ASTN2: variants seen among roughly 807,000 people sequenced by gnomAD.
ASTN2 encodes the protein astrotactin 2.
In ASTN2, 54 loss-of-function variants were observed where a neutral mutation model predicts 139.8. The ratio of observed to expected loss-of-function variants is 0.39; its 90% CI spans 0.31 to 0.48. ASTN2 has a LOEUF of 0.48. ASTN2 is among the 20% of genes least tolerant of loss of function. The pLI is 0.95. For missense variants in ASTN2, 1,565 were observed against 1,725.1 expected, an observed-to-expected ratio of 0.91 and a Z score of 1.64; for synonymous variants, 756 against 719.5, an observed-to-expected ratio of 1.05 and a Z score of -0.81.
chr9:116,441,262 T>C (rs1381715475), intron 21 of ASTN2, among the ~76,000 whole-genome samples: 1 of 151,950 alleles, frequency 6.6e-6, no homozygotes, highest in Non-Finnish European at 1.5e-5. Context: ...TAATCCAAAC[T>C]CTTCTGCTTG....
chr9:116,539,067 TAAGTG>T (rs1383243483), intron 19 of ASTN2, among the ~76,000 whole-genome samples: 15 of 152,110 alleles, frequency 9.9e-5, no homozygotes, highest in Non-Finnish European at 1.5e-4. Flanking sequence ...CCTTGAGAAC[TAAGTG>T]AAGAAGCAAG....
Position 116,696,942 on chromosome 9 carries a change from G to C in ASTN2, c.2806+28829C>G, listed in dbSNP as rs1432124027. On this transcript the variant is annotated intron_variant, in intron 16 of 22. Transcript: ENST00000313400. The stretch of plus-strand genomic sequence containing the variant: ...CCAAACATGACACAATAAACTCTGT[G>C]ACATGATTAAAAAAAAAAAAAAAAG... Among the ~76,000 whole-genome samples the C allele has an allele frequency of 4.2e-5, 5 of 118,396 alleles. No individual in the cohort carries two copies. In the East Asian group the frequency reaches 1.5e-3, roughly 35 times the overall value. The allele number at this position is 118,396 out of a possible 152,430, so 77.7% of individuals were successfully genotyped here.
At chr9:116,775,456 G>C (rs1830057102) in intron 13 of ASTN2, among the ~76,000 whole-genome samples, 1 of 137,012 alleles carries the variant, frequency 7.3e-6, no homozygotes, top group African/African-American at 2.8e-5. Context: ...GAAGAGAGGA[G>C]AGGAGAGAGG....
intron 16 of ASTN2, among the ~76,000 whole-genome samples, chr9:116,669,809 ATTT>A (rs34822441): frequency 3.5e-5 from 5 of 144,198 alleles, no homozygotes; most frequent in South Asian, 2.2e-4. Flanking sequence ...TATGTATTGT[ATTT>A]TTTTTTTTTT....
chr9:117,225,643 A>T (rs1240397619), intron 2 of ASTN2, among the ~76,000 whole-genome samples: 1 of 146,392 alleles, frequency 6.8e-6, no homozygotes, highest in Admixed American at 7.0e-5. Flanking sequence ...CCCCAGGGTA[A>T]GGTCATACCT....
At chr9:116,689,861 T>A (rs1223924984) in intron 16 of ASTN2, among the ~76,000 whole-genome samples, 1 of 152,132 alleles carries the variant, frequency 6.6e-6, no homozygotes, top group Non-Finnish European at 1.5e-5. Flanking sequence ...GGGTGAGGTA[T>A]GGAGGCCATT....
intron 10 of ASTN2, among the ~76,000 whole-genome samples, chr9:116,895,126 G>C (rs944092524): frequency 5.7e-4 from 87 of 152,286 alleles, no homozygotes; most frequent in African/African-American, 2.0e-3. Flanking sequence ...GAAACTTTTT[G>C]AGTGCGACAT....
intron 19 of ASTN2, among the ~76,000 whole-genome samples, chr9:116,520,197 AAAAAG>A (rs1213807321): frequency 6.6e-6 from 1 of 152,118 alleles, no homozygotes; most frequent in Non-Finnish European, 1.5e-5. Flanking sequence ...CACATAACCA[AAAAAG>A]AAAACTACAG....
rs542379141 is a variant in ASTN2, at chr9:116,888,817, C to T, written c.1890-25084G>A. Among the ~76,000 whole-genome samples, 30 of 152,210 alleles carry T rather than the reference C, an allele frequency of 2.0e-4. No individual in the cohort carries two copies. The South Asian group carries it at 3.9e-3, about 20-fold the overall frequency. ...AACCCATCACCTAGGTATTAAGCCC[C>T]GATTGTATTAGCTATTTATCCTGAT... On this transcript the variant is annotated intron_variant, in intron 10 of 22. Transcript: ENST00000313400.
intron 20 of ASTN2, among the ~76,000 whole-genome samples, chr9:116,470,955 T>C (rs981317481): frequency 6.6e-6 from 1 of 152,210 alleles, no homozygotes. Context: ...TCTAAGACGA[T>C]GTATTGTTCA....
At chr9:116,639,753 G>T (rs1025006716) in intron 17 of ASTN2, among the ~76,000 whole-genome samples, 2 of 152,126 alleles carry the variant, frequency 1.3e-5, no homozygotes, top group African/African-American at 4.8e-5. Flanking sequence ...GTCTTACAGG[G>T]CTTCAGATGA....
chr9:116,782,031 A>G (rs370367376), intron 13 of ASTN2, among the ~76,000 whole-genome samples: 3 of 152,112 alleles, frequency 2.0e-5, no homozygotes, highest in Non-Finnish European at 4.4e-5. Flanking sequence ...CCAGAGCCCC[A>G]TGCTGCCTCC....
intron 11 of ASTN2, among the ~76,000 whole-genome samples, chr9:116,849,598 G>GGATC (rs1832536792): frequency 6.6e-6 from 1 of 152,160 alleles, no homozygotes; most frequent in African/African-American, 2.4e-5. Flanking sequence ...ACAGAGGAAG[G>GGATC]GATCGAGACA....
rs747067557 is a variant in ASTN2, at chr9:116,699,096, C to A, written c.2806+26675G>T. 1.1e-5 allele frequency: 18 copies of A among 1,614,030 alleles called. 1 individual carries two copies. The South Asian group carries it at 1.6e-4, about 15-fold the overall frequency. On this transcript the variant is annotated intron_variant, in intron 16 of 22. Transcript: ENST00000313400. This position sits in a 1 kb window ranked among gnomAD's most constrained non-coding sequence, Gnocchi z 4.2. The stretch of plus-strand genomic sequence containing the variant: ...TGTGACTGACAGCTATGATAACTCC[C>A]TCAAGGTATATACCTTGGATGGCCA...
intron 1 of ASTN2, among the ~76,000 whole-genome samples, chr9:117,324,077 T>A (rs989908144): frequency 1.3e-5 from 2 of 152,088 alleles, no homozygotes; most frequent in African/African-American, 4.8e-5. Context: ...AAAAAAATGC[T>A]TGATGGGACG....
chr9:117,231,126 C>A (rs1047212739), intron 2 of ASTN2, among the ~76,000 whole-genome samples: 1 of 152,198 alleles, frequency 6.6e-6, no homozygotes, highest in Admixed American at 6.5e-5. Flanking sequence ...CACAGCAGGT[C>A]AATTGATTCA....
At chr9:116,645,228 C>T (rs201642684) in intron 17 of ASTN2, among the ~76,000 whole-genome samples, 295 of 152,258 alleles carry the variant, frequency 1.9e-3, no homozygotes, top group Non-Finnish European at 3.4e-3. Flanking sequence ...AGTTAACAAC[C>T]ACACAAAGTC....
At chr9:116,767,409 G>A (rs773554146) in intron 13 of ASTN2, among the ~76,000 whole-genome samples, 8 of 152,190 alleles carry the variant, frequency 5.3e-5, no homozygotes, top group Non-Finnish European at 1.0e-4. Context: ...CAGGCTTGGC[G>A]GATGCACTGT....
intron 6 of ASTN2, among the ~76,000 whole-genome samples, chr9:117,032,934 T>C (rs1838287361): frequency 6.6e-6 from 1 of 152,170 alleles, no homozygotes; most frequent in Admixed American, 6.6e-5. Flanking sequence ...ATGTTAACCA[T>C]TTAAAATAAC....
Sources: allele counts gnomAD v4.1 joint callset (sites outside exome capture counted in the v4.1 genomes callset), GRCh38; gene constraint gnomAD v4.1.1; non-coding constraint Gnocchi (gnomAD v3.1); transcripts MANE v1.5; gene names NCBI Gene and HGNC (gene_info 2026-07-23, HGNC 2026-07-21).